The following SOX5 variants were observed in gnomAD, a reference collection of about 807,000 sequenced individuals.
The protein encoded by SOX5 is transcription factor SOX-5.
A neutral mutation model predicts 92.0 loss-of-function variants in SOX5; 9 were observed. The observed-to-expected ratio is 0.10, with a 90% CI of 0.06 to 0.17. The LOEUF (loss-of-function observed/expected upper bound fraction) is 0.17. SOX5 is among the 10% of genes least tolerant of loss of function. The pLI is 1.00. For synonymous variants in SOX5, 344 were observed against 336.3 expected, an observed-to-expected ratio of 1.02 and a Z score of -0.25; for missense variants, 642 against 944.5, an observed-to-expected ratio of 0.68 and a Z score of 4.20.
chr12:23,691,912 C>T (rs987292366), intron 6 of SOX5, among the ~76,000 whole-genome samples: 2 of 151,862 alleles, frequency 1.3e-5, no homozygotes, highest in Non-Finnish European at 2.9e-5. Context: ...TTGTTGTTGT[C>T]GTTCACCTCA....
At chr12:24,427,781 G>A (rs932997447) in intron 1 of SOX5, among the ~76,000 whole-genome samples, 1 of 152,100 alleles carries the variant, frequency 6.6e-6, no homozygotes, top group Non-Finnish European at 1.5e-5. Context: ...AATCCACGAC[G>A]GTGGAAATAT....
chr12:23,979,814 C>A (rs924005203), intron 4 of SOX5, among the ~76,000 whole-genome samples: 56 of 139,788 alleles, frequency 4.0e-4, no homozygotes, highest in African/African-American at 1.5e-3. Flanking sequence ...AACCTCTAGG[C>A]TCAAGCAATC....
At chr12:23,923,718 A>G (rs570098836) in intron 1 of SOX5, among the ~76,000 whole-genome samples, 2 of 152,208 alleles carry the variant, frequency 1.3e-5, no homozygotes, top group African/African-American at 4.8e-5. Flanking sequence ...CCCAGCCTAT[A>G]TGTTTTATAT....
intron 1 of SOX5, among the ~76,000 whole-genome samples, chr12:24,428,507 C>T (rs1277095919): frequency 6.6e-6 from 1 of 151,968 alleles, no homozygotes; most frequent in Non-Finnish European, 1.5e-5. Flanking sequence ...TGCGGTGGCT[C>T]ACACCTGTAA....
intron 4 of SOX5, among the ~76,000 whole-genome samples, chr12:24,071,247 A>G (rs1242186508): frequency 6.6e-6 from 1 of 152,194 alleles, no homozygotes; most frequent in Non-Finnish European, 1.5e-5. Context: ...AACAGTGTTA[A>G]TAACAATATT....
intron 1 of SOX5, among the ~76,000 whole-genome samples, chr12:24,478,556 C>G (rs1945632529): frequency 6.6e-6 from 1 of 152,200 alleles, no homozygotes; most frequent in Non-Finnish European, 1.5e-5. Context: ...TAATTCTAAA[C>G]TGAGCTTATT....
At chr12:23,968,983 G>A (rs570474639) in intron 4 of SOX5, among the ~76,000 whole-genome samples, 1 of 152,258 alleles carries the variant, frequency 6.6e-6, no homozygotes, top group Admixed American at 6.5e-5. Flanking sequence ...CTTCGTGGAT[G>A]TCTTACAGGC....
At chr12:24,345,053 T>C (rs1953070166) in intron 2 of SOX5, among the ~76,000 whole-genome samples, 1 of 152,226 alleles carries the variant, frequency 6.6e-6, no homozygotes. Flanking sequence ...CACTGTCATC[T>C]TGCAGAGCTG....
intron 2 of SOX5, among the ~76,000 whole-genome samples, chr12:23,881,315 C>T (rs1317698246): frequency 6.6e-6 from 1 of 152,168 alleles, no homozygotes; most frequent in Non-Finnish European, 1.5e-5. Context: ...CTCTCTATCC[C>T]TCTCTTCCTT....
chr12:24,525,696 C>T (rs1950640206), intron 1 of SOX5, among the ~76,000 whole-genome samples: 2 of 151,830 alleles, frequency 1.3e-5, no homozygotes, highest in South Asian at 4.2e-4. Context: ...GCAGTGAAAC[C>T]CCGTCTCTAC....
At chr12:23,802,726 C>T (rs1360191796) in intron 3 of SOX5, among the ~76,000 whole-genome samples, 2 of 152,004 alleles carry the variant, frequency 1.3e-5, no homozygotes, top group Non-Finnish European at 1.5e-5. Flanking sequence ...CAATACAATC[C>T]ATATAAACAT....
In SOX5 at chr12:24,281,211, C is replaced by T. The variant is rs1019865237; in HGVS notation, c.-173-3899G>A. On this transcript the variant is annotated intron_variant, in intron 2 of 4. Coordinates refer to the SOX5 transcript ENST00000446891. ...CAGTTCAGTTTTACTGGCTTAAAATCTATACGGTTATAAAATTACCAAAAG... is the reference window on the plus strand; with the variant it reads ...CAGTTCAGTTTTACTGGCTTAAAATTTATACGGTTATAAAATTACCAAAAG... Among the ~76,000 whole-genome samples, 5 of 133,038 alleles carry T rather than the reference C, an allele frequency of 3.8e-5. No homozygotes were observed. In the South Asian group the frequency reaches 1.2e-3, roughly 32 times the overall value. 87.3% of individuals were successfully genotyped at this position (133,038 alleles called of 152,430 possible). A position where few individuals can be genotyped will look rare whatever the true frequency, so the allele number is the denominator to read the frequency against.
chr12:23,546,759 T>C (rs1014299631), intron 11 of SOX5, among the ~76,000 whole-genome samples: 3 of 152,204 alleles, frequency 2.0e-5, no homozygotes, highest in Non-Finnish European at 4.4e-5. Context: ...ATTTGGAATG[T>C]CTGCTTTATT....
At chr12:23,573,271 GA>G (rs1565936293) in intron 10 of SOX5, among the ~76,000 whole-genome samples, 3 of 151,960 alleles carry the variant, frequency 2.0e-5, no homozygotes, top group African/African-American at 7.3e-5. Flanking sequence ...CTTAGAAAAA[GA>G]TGAGTTTATA....
chr12:23,945,704 G>C (rs759239631), intron 1 of SOX5, among the ~76,000 whole-genome samples: 1 of 152,048 alleles, frequency 6.6e-6, no homozygotes, highest in Admixed American at 6.6e-5. Context: ...TCCTGAAAAC[G>C]TAAAATCAAA....
intron 1 of SOX5, among the ~76,000 whole-genome samples, chr12:24,538,255 G>A (rs1179050251): frequency 1.3e-5 from 2 of 152,128 alleles, no homozygotes; most frequent in Admixed American, 1.3e-4. Context: ...CCCAGCTTGG[G>A]TGGCTGTTCT....
At chr12:23,623,656 T>C (rs34334947) in intron 8 of SOX5, among the ~76,000 whole-genome samples, 21,884 of 152,130 alleles carry the variant, frequency 0.14, 2,071 homozygotes, top group Admixed American at 0.24. Context: ...CTTATTCACA[T>C]TTCTACAAAA....
At chr12:23,577,878 TTGGGAGGCCA>T (rs540789575) in intron 9 of SOX5, among the ~76,000 whole-genome samples, 2 of 151,488 alleles carry the variant, frequency 1.3e-5, no homozygotes, top group East Asian at 3.9e-4. Flanking sequence ...TCCCAGCACT[TTGGGAGGCCA>T]AGTCAGGCAG....
intron 1 of SOX5, among the ~76,000 whole-genome samples, chr12:24,391,381 T>A (rs1566053268): frequency 6.6e-6 from 1 of 152,174 alleles, no homozygotes; most frequent in Non-Finnish European, 1.5e-5. Context: ...ATAAAATGGG[T>A]AAAAGTACAT....
Sources: allele counts gnomAD v4.1 joint callset (sites outside exome capture counted in the v4.1 genomes callset), GRCh38; gene constraint gnomAD v4.1.1; transcripts MANE v1.5; gene names NCBI Gene and HGNC (gene_info 2026-07-23, HGNC 2026-07-21).